Variants in SDK1 observed in about 807,000 individuals in gnomAD.
SDK1 encodes sidekick cell adhesion molecule 1.
Under a neutral mutation model 245.5 loss-of-function variants are expected in SDK1, and 157 were observed. That is an observed-to-expected ratio of 0.64 (90% confidence interval 0.56 to 0.73). SDK1 has a LOEUF of 0.73. Ranked by LOEUF, SDK1 falls within the 30% of genes least tolerant of loss-of-function variation. The probability of loss-of-function intolerance (pLI) is 0.00; values close to 1 mark genes in which losing one functional copy is unlikely to be tolerated. For missense variants in SDK1, 3,583 were observed against 3,002.3 expected (o/e 1.19, Z -4.52); for synonymous variants, 1,647 against 1,278.5 (o/e 1.29, Z -6.15).
Position 3,301,720 on chromosome 7 carries a change from G to C in SDK1, c.134G>C (p.Gly45Ala). Reference protein sequence around the residue: ...RARPSLAPRPGPEPSRPRAAP... With the variant: ...RARPSLAPRPAPEPSRPRAAP... ...CGCCCCTCGCTGGCGCCGCGCCCCG[G>C]CCCGGAGCCCTCGCGACCCCGGGCG... Residue 45 changes from glycine (G) to alanine (A), a missense_variant, in exon 1 of 45, where the codon GGC becomes GCC. Physicochemically the swap from Gly to Ala is moderately conservative, Grantham distance 60 (BLOSUM62 0). Transcript: ENST00000404826. 1 of 977,110 alleles carries C rather than the reference G, an allele frequency of 1.0e-6. No individual in the cohort carries two copies. The highest frequency in any genetic ancestry group is 1.2e-6 in the Non-Finnish European group (1 of 826,150). 60.5% of individuals were successfully genotyped at this position (977,110 alleles called of 1,614,324 possible). A position where few individuals can be genotyped will look rare whatever the true frequency, so the allele number is the denominator to read the frequency against.
At chr7:4,197,368 G>T (rs1385016790) in intron 35 of SDK1, among the ~76,000 whole-genome samples, 1 of 152,058 alleles carries the variant, frequency 6.6e-6, no homozygotes, top group Non-Finnish European at 1.5e-5. Context: ...TATGCCTTTA[G>T]TTCCAGCTAC....
intron 35 of SDK1, among the ~76,000 whole-genome samples, chr7:4,193,100 A>T (rs1417172947): frequency 1.5e-5 from 2 of 135,452 alleles, no homozygotes; most frequent in Non-Finnish European, 3.1e-5. Context: ...ATGTATATAT[A>T]ATATAAATAT....
chr7:3,589,253 G>A (rs1342573784), intron 1 of SDK1, among the ~76,000 whole-genome samples: 1 of 151,938 alleles, frequency 6.6e-6, no homozygotes, highest in East Asian at 1.9e-4. Context: ...GATCTCACAG[G>A]TGGTGTTGGC....
At chr7:3,692,511 T>C (rs186380404) in intron 4 of SDK1, among the ~76,000 whole-genome samples, 61 of 152,324 alleles carry the variant, frequency 4.0e-4, no homozygotes, top group Admixed American at 7.2e-4. Context: ...GTTGAATAAT[T>C]TGTATTTTAG....
chr7:3,882,611 A>G (rs1284023673), intron 5 of SDK1, among the ~76,000 whole-genome samples: 2 of 152,228 alleles, frequency 1.3e-5, no homozygotes, highest in Non-Finnish European at 2.9e-5. Context: ...AGAAGTGTAC[A>G]TGGAGCCAGT....
chr7:3,609,496 T>C (rs1202228), intron 1 of SDK1, among the ~76,000 whole-genome samples: 1 of 152,074 alleles, frequency 6.6e-6, no homozygotes, highest in African/African-American at 2.4e-5. Context: ...TGCTTCCCGG[T>C]TTCAAACGAT....
intron 28 of SDK1, among the ~76,000 whole-genome samples, chr7:4,133,421 C>T (rs1322161266): frequency 7.2e-5 from 11 of 152,194 alleles, no homozygotes; most frequent in African/African-American, 2.7e-4. Flanking sequence ...AAGTTGCCCA[C>T]AGTCCCGTAA....
chr7:3,893,336 C>T (rs867621759), intron 5 of SDK1, among the ~76,000 whole-genome samples: 2 of 151,982 alleles, frequency 1.3e-5, no homozygotes, highest in Admixed American at 6.6e-5. Flanking sequence ...TCAGGATGGC[C>T]GGGGGGAGGA....
chr7:3,755,610 C>G (rs1173707480), intron 4 of SDK1, among the ~76,000 whole-genome samples: 1 of 152,106 alleles, frequency 6.6e-6, no homozygotes, highest in Non-Finnish European at 1.5e-5. Context: ...CCTCCACAGC[C>G]AAAATACAGA....
intron 19 of SDK1, among the ~76,000 whole-genome samples, chr7:4,064,888 A>G (rs1421271408): frequency 1.3e-5 from 2 of 152,120 alleles, no homozygotes; most frequent in Non-Finnish European, 2.9e-5. Flanking sequence ...GAAAGATACT[A>G]GAGGCTGGGA....
chr7:4,064,767 C>G (rs1418714292), intron 19 of SDK1, among the ~76,000 whole-genome samples: 2 of 152,122 alleles, frequency 1.3e-5, no homozygotes, highest in Non-Finnish European at 2.9e-5. Flanking sequence ...CAGCAACATG[C>G]AGGGAACTGG....
intron 22 of SDK1, among the ~76,000 whole-genome samples, chr7:4,082,199 G>A (rs976503543): frequency 7.2e-5 from 11 of 152,078 alleles, no homozygotes; most frequent in African/African-American, 2.7e-4. Context: ...TGCTTATTTT[G>A]TGTATACACC....
At chr7:3,945,729 C>G (rs1014747620) in intron 5 of SDK1, among the ~76,000 whole-genome samples, 7 of 151,362 alleles carry the variant, frequency 4.6e-5, no homozygotes, top group Non-Finnish European at 7.4e-5. Context: ...GAAACCCTGT[C>G]TCTACTAAAA....
chr7:4,031,889 TG>T (rs2128158854), intron 17 of SDK1, among the ~76,000 whole-genome samples: 1 of 152,094 alleles, frequency 6.6e-6, no homozygotes, highest in East Asian at 1.9e-4. Flanking sequence ...TAGCCGGGCA[TG>T]GTGGTGCACG....
At chr7:3,486,577 C>T (rs1027470262) in intron 1 of SDK1, among the ~76,000 whole-genome samples, 3 of 151,900 alleles carry the variant, frequency 2.0e-5, no homozygotes, top group Non-Finnish European at 4.4e-5. Context: ...GGCTGTTTCC[C>T]AGTCTTTATT....
intron 15 of SDK1, 150 bp downstream of exon 15, chr7:4,011,263 G>A (rs528724993): frequency 5.9e-4 from 604 of 1,021,562 alleles, no homozygotes; most frequent in Non-Finnish European, 7.5e-4. Context: ...AAAGCCTGTC[G>A]CAAAGAGGGA....
At chr7:3,761,250 G>GC (rs891487841) in intron 4 of SDK1, among the ~76,000 whole-genome samples, 5 of 127,192 alleles carry the variant, frequency 3.9e-5, no homozygotes, top group Admixed American at 8.1e-5. Context: ...TTTTTATCAA[G>GC]CCCCCCCTCC....
intron 4 of SDK1, among the ~76,000 whole-genome samples, chr7:3,701,538 G>A (rs1784739152): frequency 6.6e-6 from 1 of 152,124 alleles, no homozygotes. Context: ...ATTTGGGGTT[G>A]TAGTGAGCTA....
At chr7:4,065,765 G>T (rs1194347952) in intron 19 of SDK1, among the ~76,000 whole-genome samples, 2 of 114,638 alleles carry the variant, frequency 1.7e-5, no homozygotes, top group Non-Finnish European at 3.4e-5. Flanking sequence ...TACGACTTGT[G>T]TTAGAAGGCT....
Sources: allele counts gnomAD v4.1 joint callset (sites outside exome capture counted in the v4.1 genomes callset), GRCh38; gene constraint gnomAD v4.1.1; transcripts MANE v1.5; gene names NCBI Gene and HGNC (gene_info 2026-07-23, HGNC 2026-07-21).